The following PAG1 variants were observed in gnomAD, a reference collection of about 807,000 sequenced individuals.
The protein encoded by PAG1 is phosphoprotein associated with glycosphingolipid-enriched microdomains 1.
Under a neutral mutation model 31.7 loss-of-function variants are expected in PAG1, and 23 were observed. That is an observed-to-expected ratio of 0.73 (90% confidence interval 0.52 to 1.03). The LOEUF (loss-of-function observed/expected upper bound fraction) is 1.03. Among genes scored for constraint, PAG1 ranks in the 50% least tolerant of loss-of-function variants. The probability of loss-of-function intolerance (pLI) is 0.00; values close to 1 mark genes in which losing one functional copy is unlikely to be tolerated. For missense variants in PAG1, 473 were observed against 540.7 expected, an observed-to-expected ratio of 0.87 and a Z score of 1.24; for synonymous variants, 214 against 210.3, an observed-to-expected ratio of 1.02 and a Z score of -0.15.
intron 3 of PAG1, among the ~76,000 whole-genome samples, chr8:81,018,228 A>G (rs1357885205): frequency 6.6e-6 from 1 of 152,268 alleles, no homozygotes. Flanking sequence ...ACTATATTGA[A>G]TAACAAATTC....
At chr8:81,039,281 A>G (rs957730170) in intron 2 of PAG1, 9 of 152,236 alleles carry the variant, frequency 5.9e-5, no homozygotes, top group African/African-American at 1.9e-4. Flanking sequence ...CATATCACAG[A>G]TATACCATAA....
In PAG1 at chr8:81,024,668, TG is replaced by T. The variant is rs139692040; in HGVS notation, c.-81+5327del. 7.8e-3 allele frequency among the ~76,000 whole-genome samples: 1,195 copies of T among 152,314 alleles called. 9 individuals are homozygous for T. Among genetic ancestry groups the T allele is most frequent in the Non-Finnish European group, 0.012 (833 of 68,012 alleles). ...AGCCATGGGAAAAATTTGTTCAAAC[TG>T]GGAACAGTTGTTTCTTTTAGGAAAA... On this transcript the variant is annotated intron_variant, in intron 3 of 8. Transcript: ENST00000220597.
At position 80,969,378 on chromosome 8, in the gene PAG1, C is replaced by T. The variant is rs1030624021; in HGVS notation, c.*7166G>A. On this transcript the variant is annotated 3_prime_UTR_variant, in exon 9 of 9. Transcript: ENST00000220597. ...CATAGACTCAGGCTTTTGGTCCCAGCCTCTTCTTCCAGAGAAGGGCACTGC... is the reference window on the plus strand; with the variant it reads ...CATAGACTCAGGCTTTTGGTCCCAGTCTCTTCTTCCAGAGAAGGGCACTGC... The T allele has an allele frequency of 6.6e-6, 1 of 152,254 alleles. No homozygotes were observed. The highest frequency in any genetic ancestry group is 1.9e-4 in the East Asian group (1 of 5,192). 9.4% of individuals were successfully genotyped at this position (152,254 alleles called of 1,614,324 possible). A position where few individuals can be genotyped will look rare whatever the true frequency, so the allele number is the denominator to read the frequency against.
chr8:80,989,285 T>C, intron 5 of PAG1, among the ~76,000 whole-genome samples: 1 of 152,172 alleles, frequency 6.6e-6, no homozygotes. Context: ...CCAGAAATGA[T>C]GTTATAAATG....
At chr8:80,978,344 A>T (rs950532544) in intron 8 of PAG1, among the ~76,000 whole-genome samples, 4 of 152,012 alleles carry the variant, frequency 2.6e-5, no homozygotes, top group South Asian at 2.1e-4. Flanking sequence ...TGAATTTAAT[A>T]AAAAAAATTC....
At chr8:81,040,084 G>C (rs924757393) in intron 2 of PAG1, among the ~76,000 whole-genome samples, 2 of 151,910 alleles carry the variant, frequency 1.3e-5, no homozygotes, top group Admixed American at 1.3e-4. Flanking sequence ...CTCCCCTCTT[G>C]GTTAATTCAT....
At chr8:81,089,230 G>C (rs900296413) in intron 1 of PAG1, among the ~76,000 whole-genome samples, 1 of 152,152 alleles carries the variant, frequency 6.6e-6, no homozygotes, top group Non-Finnish European at 1.5e-5. Flanking sequence ...ACTGTGGAGG[G>C]ACTCAGGCAG....
In PAG1 at chr8:80,987,146, C is replaced by T. The variant is rs149250761; in HGVS notation, c.274+224G>A. ...AATGTACTAAAATGTACTAAAAGAGCAAATGAATTAGTACATGTACCAGTC... is the reference window on the plus strand; with the variant it reads ...AATGTACTAAAATGTACTAAAAGAGTAAATGAATTAGTACATGTACCAGTC... On this transcript the variant is annotated intron_variant, in intron 6 of 8. Coordinates refer to ENST00000220597, the MANE Select transcript of PAG1 (RefSeq NM_018440.4). Among the ~76,000 whole-genome samples, 276 of 152,194 alleles carry T rather than the reference C, an allele frequency of 1.8e-3. 2 individuals are homozygous for T. Among genetic ancestry groups the T allele is most frequent in the African/African-American group, 5.6e-3 (233 of 41,508 alleles).
chr8:81,067,280 T>A (rs1185663829), intron 2 of PAG1, among the ~76,000 whole-genome samples: 3 of 152,254 alleles, frequency 2.0e-5, no homozygotes, highest in Admixed American at 2.0e-4. Flanking sequence ...AACTTTTTTC[T>A]TCCTTGAGAG....
chr8:81,104,661 A>G (rs1240393787), intron 1 of PAG1, among the ~76,000 whole-genome samples: 1 of 152,042 alleles, frequency 6.6e-6, no homozygotes, highest in Non-Finnish European at 1.5e-5. Flanking sequence ...TTATGGATTC[A>G]ATTCCCAAGC....
At chr8:81,011,132 A>G (rs896156510) in intron 3 of PAG1, among the ~76,000 whole-genome samples, 3 of 152,096 alleles carry the variant, frequency 2.0e-5, no homozygotes, top group African/African-American at 7.2e-5. Flanking sequence ...TTATTGTTGT[A>G]TGTACAACCT....
chr8:81,028,328 T>A (rs1161118217), intron 3 of PAG1, among the ~76,000 whole-genome samples: 1 of 152,224 alleles, frequency 6.6e-6, no homozygotes, highest in African/African-American at 2.4e-5. Flanking sequence ...ATCTCTTACC[T>A]CAATGCACAT....
intron 3 of PAG1, among the ~76,000 whole-genome samples, chr8:81,027,828 A>G (rs1452505885): frequency 1.4e-5 from 2 of 147,378 alleles, no homozygotes; most frequent in Non-Finnish European, 3.0e-5. Context: ...TGGCGTGAAC[A>G]TGGGAGGCGG....
chr8:81,054,016 C>T (rs1021596626), intron 2 of PAG1, among the ~76,000 whole-genome samples: 1 of 152,064 alleles, frequency 6.6e-6, no homozygotes, highest in Non-Finnish European at 1.5e-5. Flanking sequence ...ACGAGTGTGC[C>T]TGTGTTCCAA....
intron 1 of PAG1, among the ~76,000 whole-genome samples, chr8:81,074,360 T>A (rs531670008): frequency 6.6e-6 from 1 of 152,134 alleles, no homozygotes; most frequent in African/African-American, 2.4e-5. Flanking sequence ...TGAGGGTGGA[T>A]GCAAAAGAAT....
intron 2 of PAG1, among the ~76,000 whole-genome samples, chr8:81,048,124 T>C (rs950654260): frequency 1.3e-5 from 2 of 152,166 alleles, no homozygotes; most frequent in Admixed American, 1.3e-4. Context: ...GTGCCTTTGC[T>C]GATACCATTC....
intron 3 of PAG1, among the ~76,000 whole-genome samples, chr8:81,004,459 TA>T (rs1807840931): frequency 6.6e-6 from 1 of 152,198 alleles, no homozygotes; most frequent in Non-Finnish European, 1.5e-5. Context: ...ACATAATTGA[TA>T]AATACCTACT....
At chr8:81,045,239 C>T (rs933132199) in intron 2 of PAG1, among the ~76,000 whole-genome samples, 5 of 152,196 alleles carry the variant, frequency 3.3e-5, no homozygotes, top group Admixed American at 2.0e-4. Context: ...GTGACTGAAG[C>T]ACTCCACTGA....
chr8:81,091,069 G>A (rs1349892886), intron 1 of PAG1, among the ~76,000 whole-genome samples: 10 of 152,166 alleles, frequency 6.6e-5, no homozygotes, highest in Non-Finnish European at 1.5e-4. Flanking sequence ...GAGAATGGCC[G>A]AAGGATTTGA....
Sources: allele counts gnomAD v4.1 joint callset (sites outside exome capture counted in the v4.1 genomes callset), GRCh38; gene constraint gnomAD v4.1.1; transcripts MANE v1.5; gene names NCBI Gene and HGNC (gene_info 2026-07-23, HGNC 2026-07-21).